Variants in F8 observed in about 807,000 individuals in gnomAD.
F8 encodes antihemophilic factor.
A neutral mutation model predicts 140.6 loss-of-function variants in F8; 12 were observed. That is an observed-to-expected ratio of 0.09 (90% CI 0.05 to 0.14). F8 has a LOEUF of 0.14. Among genes scored for constraint, F8 ranks in the 10% least tolerant of loss-of-function variants. The pLI, the probability that F8 is intolerant of heterozygous loss-of-function variation, is 1.00. For synonymous variants in F8, 585 were observed against 614.6 expected (o/e 0.95, Z 0.71); for missense variants, 1,354 against 1,720.7 (o/e 0.79, Z 3.77).
At chrX:154,908,614 G>A (rs2073049823) in intron 14 of F8, among the ~76,000 whole-genome samples, 2 of 111,985 alleles carry the variant, frequency 1.8e-5, no homozygotes, top group South Asian at 7.4e-4. Context: ...ACTCTTTAAA[G>A]TTTCTCAGTA....
chrX:154,952,559 T>A (rs1457865720), intron 12 of F8, among the ~76,000 whole-genome samples: 3 of 108,380 alleles, frequency 2.8e-5, no homozygotes, highest in Non-Finnish European at 5.8e-5. Flanking sequence ...TTTTTTTTTT[T>A]TTGAAACGGA....
intron 8 of F8, 79 bp from the exon 9 acceptor site, chrX:154,966,220 A>G (rs1355361545): frequency 3.9e-6 from 4 of 1,027,846 alleles, no homozygotes; most frequent in Non-Finnish European, 5.4e-6. Flanking sequence ...AACAGCTTAT[A>G]TGATTCAATC....
At chrX:154,937,830 T>C (rs1479350701) in intron 13 of F8, among the ~76,000 whole-genome samples, 1 of 111,710 alleles carries the variant, frequency 9.0e-6, no homozygotes, top group Non-Finnish European at 1.9e-5. Context: ...CTCAATATTG[T>C]CAAGAGGTAT....
chrX:154,855,255 C>T lies in F8; in HGVS notation c.6900+5177G>A, dbSNP rs1304297886. 2.7e-5 allele frequency among the ~76,000 whole-genome samples: 3 copies of T among 111,712 alleles called. No homozygotes were observed. In the Admixed American group the frequency reaches 2.8e-4, roughly 11 times the overall value. ...AACTAATGAATATGATGGGATTAGT[C>T]GGTTGCTCCTAATGTTGCTGGAAAA... On this transcript the variant is annotated intron_variant, in intron 25 of 25. Coordinates refer to ENST00000360256, the MANE Select transcript of F8 (RefSeq NM_000132.4).
chrX:154,845,292 T>C (rs2072556463), intron 25 of F8, among the ~76,000 whole-genome samples: 1 of 111,978 alleles, frequency 8.9e-6, no homozygotes, highest in African/African-American at 3.3e-5. Flanking sequence ...GGTATCAGGA[T>C]GATGCTGGCC....
At chrX:154,965,938 T>A in intron 9 of F8, 32 bp downstream of exon 9, 2 of 1,200,980 alleles carry the variant, frequency 1.7e-6, no homozygotes, top group Non-Finnish European at 2.3e-6. Context: ...CTTTTTCTTC[T>A]TACCTGACCT....
chrX:154,966,872 G>C (rs1475876025), intron 7 of F8, among the ~76,000 whole-genome samples, 185 bp from the exon 8 acceptor site: 2 of 109,475 alleles, frequency 1.8e-5, no homozygotes, highest in Non-Finnish European at 3.8e-5. Context: ...CAATCATGGG[G>C]GTAGGTGAAG....
chrX:154,849,831 T>C (rs938331347), intron 25 of F8, among the ~76,000 whole-genome samples: 14 of 111,209 alleles, frequency 1.3e-4, no homozygotes, highest in African/African-American at 4.3e-4. Flanking sequence ...ATTGTGTGTA[T>C]TTCTATTACT....
intron 25 of F8, among the ~76,000 whole-genome samples, chrX:154,859,621 A>G (rs2072675166): frequency 9.0e-6 from 1 of 111,128 alleles, no homozygotes; most frequent in South Asian, 3.8e-4. Context: ...CATATTTTGA[A>G]AGTTCATCAT....
At chrX:154,935,458 C>T (rs1388151494) in intron 13 of F8, among the ~76,000 whole-genome samples, 2 of 111,446 alleles carry the variant, frequency 1.8e-5, no homozygotes, top group East Asian at 5.7e-4. Context: ...ACAAATGGTG[C>T]CGGGACAACT....
chrX:154,947,531 T>C (rs980292114), intron 13 of F8, among the ~76,000 whole-genome samples, 167 bp downstream of exon 13: 1 of 111,539 alleles, frequency 9.0e-6, no homozygotes, highest in Non-Finnish European at 1.9e-5. Flanking sequence ...AACTGTTTAT[T>C]AGTTGCAAGG....
intron 14 of F8, among the ~76,000 whole-genome samples, chrX:154,924,615 C>CTG (rs1340625057): frequency 8.9e-6 from 1 of 112,212 alleles, no homozygotes; most frequent in African/African-American, 3.2e-5. Context: ...AGCAGGGACT[C>CTG]TGTGTGTGTG....
At chrX:155,001,497 C>T (rs2073646421) in intron 1 of F8, among the ~76,000 whole-genome samples, 1 of 109,633 alleles carries the variant, frequency 9.1e-6, no homozygotes, top group African/African-American at 3.3e-5. Context: ...ACCATGTTGC[C>T]CAGGCTGGTG....
intron 14 of F8, among the ~76,000 whole-genome samples, chrX:154,925,988 G>C (rs1256367995): frequency 1.8e-5 from 2 of 112,123 alleles, no homozygotes; most frequent in Non-Finnish European, 3.8e-5. Context: ...ATGTTCTGTG[G>C]GAGGGACCTG....
chrX:154,849,923 G>T (rs1180276792), intron 25 of F8, among the ~76,000 whole-genome samples: 2 of 110,647 alleles, frequency 1.8e-5, no homozygotes, highest in African/African-American at 3.3e-5. Context: ...ATAATACATG[G>T]ATTTTAGAAT....
intron 20 of F8, 83 bp from the exon 21 acceptor site, chrX:154,900,034 G>C (rs1372254111): frequency 3.5e-6 from 3 of 863,873 alleles, no homozygotes; most frequent in Non-Finnish European, 5.0e-6. Flanking sequence ...TCTTGAGAAA[G>C]GTTAATCTAA....
chrX:154,989,353 C>A (rs2073575459), intron 4 of F8, among the ~76,000 whole-genome samples: 1 of 111,279 alleles, frequency 9.0e-6, no homozygotes, highest in South Asian at 3.8e-4. Context: ...AGATCCATTT[C>A]AATATCCAAA....
chrX:154,892,352 G>A (rs1205731391), intron 22 of F8, among the ~76,000 whole-genome samples: 2 of 112,355 alleles, frequency 1.8e-5, no homozygotes, highest in Admixed American at 1.9e-4. Flanking sequence ...TAAGAAGACA[G>A]ACCACTCTAC....
At chrX:154,893,119 G>C (rs782039023) in intron 22 of F8, among the ~76,000 whole-genome samples, 33 of 112,080 alleles carry the variant, frequency 2.9e-4, no homozygotes, top group African/African-American at 1.1e-3. Context: ...TTGCCAATCA[G>C]AAAATCTTTG....
Sources: allele counts gnomAD v4.1 joint callset (sites outside exome capture counted in the v4.1 genomes callset), GRCh38; gene constraint gnomAD v4.1.1; transcripts MANE v1.5; gene names NCBI Gene and HGNC (gene_info 2026-07-23, HGNC 2026-07-21).